KLF7: variants seen among roughly 807,000 people sequenced by gnomAD.
KLF7 encodes KLF transcription factor 7.
A neutral mutation model predicts 27.3 loss-of-function variants in KLF7; 2 were observed. The ratio of observed to expected loss-of-function variants is 0.07; its 90% CI spans 0.03 to 0.23. The LOEUF is 0.23. Ranked by LOEUF, KLF7 falls within the 10% of genes least tolerant of loss-of-function variation. The pLI, the probability that KLF7 is intolerant of heterozygous loss-of-function variation, is 1.00. For synonymous variants in KLF7, 165 were observed against 162.4 expected, an observed-to-expected ratio of 1.02 and a Z score of -0.12; for missense variants, 221 against 394.1, an observed-to-expected ratio of 0.56 and a Z score of 3.72.
chr2:207,113,015 C>T (rs1185886908), intron 2 of KLF7, among the ~76,000 whole-genome samples: 1 of 152,196 alleles, frequency 6.6e-6, no homozygotes. Context: ...CCCTTTACTC[C>T]TTCATAATAA....
chr2:207,092,015 C>T (rs2076523497), intron 2 of KLF7, among the ~76,000 whole-genome samples: 2 of 152,220 alleles, frequency 1.3e-5, no homozygotes, highest in Non-Finnish European at 2.9e-5. Context: ...AACTGCACGT[C>T]AGTGGTACCA....
intron 2 of KLF7, among the ~76,000 whole-genome samples, chr2:207,105,426 G>T (rs62188619): frequency 2.0e-5 from 3 of 152,112 alleles, no homozygotes; most frequent in Non-Finnish European, 2.9e-5. Flanking sequence ...CTTAGGGAGG[G>T]GAACATGGAA....
At chr2:207,129,873 T>C (rs897434127) in intron 1 of KLF7, among the ~76,000 whole-genome samples, 1 of 152,216 alleles carries the variant, frequency 6.6e-6, no homozygotes, top group South Asian at 2.1e-4. Context: ...GAGACAGAAG[T>C]TGAAAGAAAA....
upstream of KLF7, chr2:207,166,107 C>T (rs552290250): frequency 5.0e-5 from 49 of 977,756 alleles, no homozygotes; most frequent in South Asian, 1.9e-4. Flanking sequence ...CTGCTCTTCC[C>T]CCTCCCCAAA....
chr2:207,110,500 A>T (rs2077005952), intron 2 of KLF7, among the ~76,000 whole-genome samples: 1 of 152,212 alleles, frequency 6.6e-6, no homozygotes, highest in Non-Finnish European at 1.5e-5. Flanking sequence ...GTGGTCAGCT[A>T]GGCCCATTTC....
At chr2:207,107,337 G>A (rs1207555166) in intron 2 of KLF7, among the ~76,000 whole-genome samples, 1 of 152,094 alleles carries the variant, frequency 6.6e-6, no homozygotes, top group Non-Finnish European at 1.5e-5. Context: ...ATGAACAAAG[G>A]ACGCCTCTGA....
chr2:207,145,541 T>C (rs554457445), intron 1 of KLF7, among the ~76,000 whole-genome samples: 1 of 152,372 alleles, frequency 6.6e-6, no homozygotes, highest in East Asian at 1.9e-4. Context: ...TCTGTTCCAT[T>C]TTAGATTCCT....
At chr2:207,082,768 T>G (rs1458092627) in intron 3 of KLF7, among the ~76,000 whole-genome samples, 1 of 152,242 alleles carries the variant, frequency 6.6e-6, no homozygotes, top group Non-Finnish European at 1.5e-5. Context: ...GTTAGCAAGC[T>G]ACACTGTTCA....
In KLF7 at chr2:207,124,161, T is replaced by C. The variant is rs747529783; in HGVS notation, c.346A>G (p.Ser116Gly). Reference protein sequence around the residue: ...SETCLSLQPASSSLDSYTAVN... With the variant: ...SETCLSLQPAGSSLDSYTAVN... The stretch of plus-strand genomic sequence containing the variant: ...GCTGTGTAGCTGTCTAGAGAAGAGC[T>C]GGCCGGCTGGAGGCTGAGGCAGGTC... The change falls in exon 2 of 4, where the codon AGC becomes GGC. Residue 116 changes from serine (S) to glycine (G), a missense_variant. Physicochemically the swap from Ser to Gly is moderately conservative, Grantham distance 56. Coordinates refer to ENST00000309446, the MANE Select transcript of KLF7 (RefSeq NM_003709.4). The C allele has an allele frequency of 6.2e-7, 1 of 1,614,172 alleles. No homozygotes were observed. Among genetic ancestry groups the C allele is most frequent in the Non-Finnish European group, 8.5e-7 (1 of 1,180,028 alleles).
At chr2:207,152,272 T>TACACACACACACACACAC (rs67380335) in intron 1 of KLF7, among the ~76,000 whole-genome samples, 51 of 150,580 alleles carry the variant, frequency 3.4e-4, no homozygotes, top group African/African-American at 1.2e-3. Flanking sequence ...ATGTTTTTCT[T>TACACACACACACACACAC]ACACACACAC....
At chr2:207,151,211 C>A (rs1487071867) in intron 1 of KLF7, among the ~76,000 whole-genome samples, 1 of 152,088 alleles carries the variant, frequency 6.6e-6, no homozygotes, top group African/African-American at 2.4e-5. Context: ...CTTATGAAGC[C>A]CTGTGGAACT....
intron 2 of KLF7, among the ~76,000 whole-genome samples, chr2:207,097,181 A>G (rs2076651081): frequency 6.6e-6 from 1 of 152,224 alleles, no homozygotes; most frequent in Admixed American, 6.5e-5. Context: ...GCTCTGCCAC[A>G]TAATAGCAAT....
intron 2 of KLF7, chr2:207,121,533 C>A (rs1382969864): frequency 6.6e-6 from 1 of 152,174 alleles, no homozygotes; most frequent in East Asian, 1.9e-4. Flanking sequence ...GGTCATAAAT[C>A]TAGGAAGCGA....
rs1016652759 is a variant in KLF7, at chr2:207,080,920, C to G, written c.*293G>C. 2.4e-6 allele frequency: 1 copy of G among 424,474 alleles called. No homozygotes were observed. Among genetic ancestry groups the G allele is most frequent in the Non-Finnish European group, 4.1e-6 (1 of 240,998 alleles). 26.3% of individuals were successfully genotyped at this position (424,474 alleles called of 1,614,324 possible). A position where few individuals can be genotyped will look rare whatever the true frequency, so the allele number is the denominator to read the frequency against. ...AATAGTGCTGAAGTAAGCAGCCAGT[C>G]TGCCTTGCTGAGTTCACCTGGTTTC... is the stretch of plus-strand genomic sequence containing the variant. On this transcript the variant is annotated 3_prime_UTR_variant, in exon 4 of 4. Coordinates refer to ENST00000309446, the MANE Select transcript of KLF7 (RefSeq NM_003709.4).
At chr2:207,082,877 T>G (rs1389724611) in intron 3 of KLF7, among the ~76,000 whole-genome samples, 1 of 152,192 alleles carries the variant, frequency 6.6e-6, no homozygotes, top group African/African-American at 2.4e-5. Context: ...CGCAACATTC[T>G]CCACACCCCC....
At chr2:207,087,906 G>A (rs1227516821) in intron 3 of KLF7, among the ~76,000 whole-genome samples, 1 of 151,996 alleles carries the variant, frequency 6.6e-6, no homozygotes, top group African/African-American at 2.4e-5. Context: ...GTCATTTTTT[G>A]CACCCTTGTA....
intron 1 of KLF7, among the ~76,000 whole-genome samples, chr2:207,136,482 T>C (rs368657212): frequency 3.2e-4 from 48 of 152,286 alleles, no homozygotes; most frequent in African/African-American, 1.1e-3. Context: ...AGCTTCATTG[T>C]CACCTACTCA....
At chr2:207,085,111 G>A (rs145982619) in intron 3 of KLF7, among the ~76,000 whole-genome samples, 3 of 133,812 alleles carry the variant, frequency 2.2e-5, no homozygotes, top group Non-Finnish European at 4.6e-5. Context: ...GCAGTGAGCC[G>A]AGATCGCACC....
chr2:207,094,609 G>GTAGA (rs1240763699), intron 2 of KLF7, among the ~76,000 whole-genome samples: 2 of 152,214 alleles, frequency 1.3e-5, no homozygotes, highest in East Asian at 3.8e-4. Flanking sequence ...TAAAGACATT[G>GTAGA]TAGAGAAAGT....
Sources: allele counts gnomAD v4.1 joint callset (sites outside exome capture counted in the v4.1 genomes callset), GRCh38; gene constraint gnomAD v4.1.1; transcripts MANE v1.5; gene names NCBI Gene and HGNC (gene_info 2026-07-23, HGNC 2026-07-21).